MLIP: variants seen among roughly 807,000 people sequenced by gnomAD.
The protein encoded by MLIP is muscular LMNA interacting protein.
In MLIP, 79 loss-of-function variants were observed where a neutral mutation model predicts 84.8. The observed-to-expected ratio is 0.93, with a 90% confidence interval of 0.78 to 1.12. The LOEUF is 1.12. Among genes scored for constraint, MLIP ranks in the 50% most tolerant of loss-of-function variants. The pLI is 0.00. For missense variants in MLIP, 1,257 were observed against 1,160.6 expected (o/e 1.08, Z -1.21); for synonymous variants, 504 against 463.0 (o/e 1.09, Z -1.14).
intron 1 of MLIP, among the ~76,000 whole-genome samples, chr6:54,120,383 T>C (rs922611264): frequency 7.0e-5 from 10 of 142,396 alleles, no homozygotes; most frequent in Admixed American, 2.2e-4. Flanking sequence ...TACAGGCGCC[T>C]GCCACCACGC....
intron 9 of MLIP, among the ~76,000 whole-genome samples, chr6:54,173,819 A>G (rs1194002844): frequency 6.6e-6 from 1 of 151,746 alleles, no homozygotes; most frequent in East Asian, 1.9e-4. Context: ...CAAATACCAG[A>G]TCTTGTTAAT....
chr6:54,144,277 A>G (rs1202389002), intron 4 of MLIP, among the ~76,000 whole-genome samples: 1 of 152,168 alleles, frequency 6.6e-6, no homozygotes, highest in Non-Finnish European at 1.5e-5. Flanking sequence ...GTACATGTAG[A>G]GTGATGCTCT....
intron 1 of MLIP, among the ~76,000 whole-genome samples, chr6:54,045,216 C>A (rs555746886): frequency 6.6e-6 from 1 of 151,848 alleles, no homozygotes; most frequent in African/African-American, 2.4e-5. Context: ...GGCATGGTGG[C>A]GGGCACCTGT....
intron 12 of MLIP, among the ~76,000 whole-genome samples, chr6:54,255,185 T>G (rs1355329055): frequency 6.6e-6 from 1 of 152,184 alleles, no homozygotes; most frequent in Non-Finnish European, 1.5e-5. Flanking sequence ...TAACTTCCCA[T>G]GGGCATATTG....
chr6:54,195,509 G>A (rs1266023259), intron 10 of MLIP, among the ~76,000 whole-genome samples: 1 of 152,062 alleles, frequency 6.6e-6, no homozygotes, highest in African/African-American at 2.4e-5. Flanking sequence ...GTCAGCGCTG[G>A]TAGTTAATCT....
chr6:54,157,634 C>T (rs1417356568), intron 5 of MLIP, among the ~76,000 whole-genome samples: 1 of 152,022 alleles, frequency 6.6e-6, no homozygotes, highest in African/African-American at 2.4e-5. Flanking sequence ...TTTATCTGTA[C>T]AGTGTCAACA....
intron 1 of MLIP, among the ~76,000 whole-genome samples, chr6:54,062,552 G>A (rs534823352): frequency 2.6e-4 from 40 of 152,052 alleles, no homozygotes; most frequent in African/African-American, 8.7e-4. Context: ...TGATTTACTC[G>A]CCTTCCATAA....
intron 1 of MLIP, among the ~76,000 whole-genome samples, chr6:54,119,656 A>G (rs1423271937): frequency 1.3e-5 from 2 of 152,202 alleles, no homozygotes; most frequent in Non-Finnish European, 2.9e-5. Context: ...ATGACAATAT[A>G]TTGTATTCTT....
chr6:54,164,666 T>G (rs1259053267), intron 8 of MLIP, among the ~76,000 whole-genome samples: 1 of 152,016 alleles, frequency 6.6e-6, no homozygotes, highest in African/African-American at 2.4e-5. Context: ...TCTTTTCATG[T>G]GTTCTTATGC....
intron 11 of MLIP, among the ~76,000 whole-genome samples, chr6:54,228,624 T>C (rs562351997): frequency 1.3e-5 from 2 of 152,298 alleles, no homozygotes; most frequent in African/African-American, 4.8e-5. Flanking sequence ...TCTGCAAACA[T>C]TTTCCTCTTG....
intron 9 of MLIP, among the ~76,000 whole-genome samples, chr6:54,182,154 T>C (rs1776940610): frequency 6.6e-6 from 1 of 152,206 alleles, no homozygotes; most frequent in Non-Finnish European, 1.5e-5. Flanking sequence ...CTTTTGCCTA[T>C]GGTGGTGAGC....
intron 13 of MLIP, among the ~76,000 whole-genome samples, chr6:54,259,817 G>A (rs1278948229): frequency 6.6e-6 from 1 of 151,774 alleles, no homozygotes; most frequent in South Asian, 2.1e-4. Context: ...ACATTTTGGA[G>A]CAATTTAGCA....
chr6:54,075,648 G>A (rs1377834397), intron 1 of MLIP, among the ~76,000 whole-genome samples: 1 of 152,154 alleles, frequency 6.6e-6, no homozygotes, highest in African/African-American at 2.4e-5. Flanking sequence ...AAGTCAAAGT[G>A]CTATTTTTTC....
At chr6:54,164,998 A>G (rs1775031389) in intron 8 of MLIP, among the ~76,000 whole-genome samples, 1 of 151,820 alleles carries the variant, frequency 6.6e-6, no homozygotes, top group African/African-American at 2.4e-5. Context: ...TAGAGGAAAC[A>G]TTGTTTTCTT....
intron 1 of MLIP, among the ~76,000 whole-genome samples, chr6:54,021,839 A>G (rs1763514794): frequency 6.6e-6 from 1 of 152,208 alleles, no homozygotes; most frequent in Admixed American, 6.5e-5. Context: ...GGTTGATGTT[A>G]TTCCAATATT....
At position 54,160,407 on chromosome 6, in the gene MLIP, A is replaced by T. The variant is rs150973985; in HGVS notation, c.2330A>T (p.Asp777Val). ...GCCAAGACTGAAAGTGTCTCCAAGG[A>T]CAACACATTAGAACCACCAGTGGAG... ...EPAKTESVSK[D>V]NTLEPPVELY... The change falls in exon 6 of 14, where the codon GAC (aspartate) becomes GTC (valine). Residue 777 changes from aspartate (D) to valine (V), a missense_variant. Transcript: ENST00000502396. 2.7e-4 allele frequency: 437 copies of T among 1,612,498 alleles called. 2 individuals carry two copies. The highest frequency in any genetic ancestry group is 3.3e-4 in the Non-Finnish European group (386 of 1,179,166).
intron 1 of MLIP, among the ~76,000 whole-genome samples, chr6:54,098,318 A>AT (rs1768376263): frequency 8.2e-6 from 1 of 121,526 alleles, no homozygotes; most frequent in Non-Finnish European, 1.6e-5. Context: ...TGCCAGGCTA[A>AT]TTTTTTAATT....
At chr6:54,160,940 A>G (rs980416589) in intron 8 of MLIP, 141 bp downstream of exon 8, 6 of 698,554 alleles carry the variant, frequency 8.6e-6, no homozygotes, top group Non-Finnish European at 1.4e-5. Context: ...AATTTTAAAG[A>G]TAGTAAATAT....
intron 1 of MLIP, among the ~76,000 whole-genome samples, chr6:54,072,456 G>A (rs1413151524): frequency 6.6e-6 from 1 of 152,050 alleles, no homozygotes; most frequent in Non-Finnish European, 1.5e-5. Context: ...CAAACCTGTT[G>A]GTCCTATAAC....
Sources: gnomAD v4.1 joint callset for allele counts (sites outside exome capture counted in the v4.1 genomes callset) on GRCh38, gnomAD v4.1.1 for gene constraint, MANE v1.5 for transcripts, NCBI Gene and HGNC (gene_info 2026-07-23, HGNC 2026-07-21) for gene names.